LPAR1: variants seen among roughly 807,000 people sequenced by gnomAD.
LPAR1 encodes LPA receptor 1.
A neutral mutation model predicts 23.8 loss-of-function variants in LPAR1; 5 were observed. That is an observed-to-expected ratio of 0.21 (90% confidence interval 0.11 to 0.44). The LOEUF (loss-of-function observed/expected upper bound fraction) is 0.44. Among genes scored for constraint, LPAR1 ranks in the 20% least tolerant of loss-of-function variants. LPAR1 has a pLI of 0.99. For missense variants in LPAR1, 311 were observed against 482.8 expected (o/e 0.64, Z 3.33); for synonymous variants, 160 against 164.7 (o/e 0.97, Z 0.22).
At chr9:110,970,067 C>T (rs1257194535) in intron 4 of LPAR1, among the ~76,000 whole-genome samples, 1 of 152,128 alleles carries the variant, frequency 6.6e-6, no homozygotes, top group Non-Finnish European at 1.5e-5. Flanking sequence ...ACCTCTTTCT[C>T]CTTTGGGCAG....
At chr9:110,898,502 T>C (rs1324800181) in intron 5 of LPAR1, among the ~76,000 whole-genome samples, 1 of 152,206 alleles carries the variant, frequency 6.6e-6, no homozygotes, top group African/African-American at 2.4e-5. Context: ...AGTATGAAAC[T>C]ATAAGAACGC....
rs550429780 is a variant in LPAR1, at chr9:111,037,145, T to A, written c.-261-944A>T. On this transcript the variant is annotated intron_variant, in intron 1 of 5. Transcript: ENST00000683809. ...ATGCTTAGCTGAGCAAACACACTTATGCAAATACGTGAAAAACAAACTGTT... is the reference window on the plus strand; with the variant it reads ...ATGCTTAGCTGAGCAAACACACTTAAGCAAATACGTGAAAAACAAACTGTT... Among the ~76,000 whole-genome samples the A allele has an allele frequency of 3.3e-5, 5 of 152,332 alleles. No homozygotes were observed. In the South Asian group the frequency reaches 1.0e-3, roughly 32 times the overall value.
intron 5 of LPAR1, among the ~76,000 whole-genome samples, chr9:110,923,389 A>G (rs2093776287): frequency 6.6e-6 from 1 of 152,210 alleles, no homozygotes. Flanking sequence ...TTGGGTACCC[A>G]TACAACCATT....
chr9:110,958,827 T>C (rs1358855957), intron 4 of LPAR1, among the ~76,000 whole-genome samples: 1 of 141,614 alleles, frequency 7.1e-6, no homozygotes, highest in Non-Finnish European at 1.5e-5. Context: ...ATCCAGAGTA[T>C]ACAAGGAAGG....
chr9:110,884,274 C>G lies in LPAR1; in HGVS notation c.794-8552G>C, dbSNP rs965137288. Among the ~76,000 whole-genome samples, 4 of 152,282 alleles carry G rather than the reference C, an allele frequency of 2.6e-5. No individual in the cohort carries two copies. The East Asian group carries it at 5.8e-4, about 22-fold the overall frequency. On this transcript the variant is annotated intron_variant, in intron 5 of 5. Coordinates refer to ENST00000683809, the MANE Select transcript of LPAR1 (RefSeq NM_001351411.2). ...TTCCTGGGATGTTACCTGCTCTCCT[C>G]GCAATCTAATTCCTACTCACACTTT...
intron 4 of LPAR1, among the ~76,000 whole-genome samples, chr9:110,958,625 A>C (rs1044125677): frequency 1.3e-5 from 2 of 152,122 alleles, no homozygotes; most frequent in African/African-American, 4.8e-5. Context: ...ATTACTAAAA[A>C]CATTGGGAAA....
intron 5 of LPAR1, among the ~76,000 whole-genome samples, chr9:110,912,705 C>T (rs1037683366): frequency 2.6e-5 from 4 of 152,092 alleles, no homozygotes; most frequent in African/African-American, 9.7e-5. Context: ...CTGGAGACAG[C>T]GTCTCCATAT....
intron 2 of LPAR1, among the ~76,000 whole-genome samples, chr9:111,015,891 C>T (rs887020172): frequency 4.6e-5 from 7 of 151,562 alleles, no homozygotes; most frequent in Admixed American, 2.6e-4. Context: ...CAAACCTTCC[C>T]ATGGTTCCCC....
rs1235968787 is a variant in LPAR1 at position 110,892,839 on chromosome 9, A to C, written c.794-17117T>G. On this transcript the variant is annotated intron_variant, in intron 5 of 5. Transcript: ENST00000683809. ...AAGGAAGGAAGGAAGGCAGGCAGGCAGGCAGGCAGGCAGGCAGGCAGGCAG... is the reference window on the plus strand; with the variant it reads ...AAGGAAGGAAGGAAGGCAGGCAGGCCGGCAGGCAGGCAGGCAGGCAGGCAG... Among the ~76,000 whole-genome samples the C allele has an allele frequency of 2.7e-3, 322 of 120,402 alleles. 3 individuals carry two copies. Among genetic ancestry groups the C allele is most frequent in the African/African-American group, 8.7e-3 (294 of 33,628 alleles). The allele number at this position is 120,402 out of a possible 152,430, so 79.0% of individuals were successfully genotyped here. A position where few individuals can be genotyped will look rare whatever the true frequency, so the allele number is the denominator to read the frequency against.
intron 4 of LPAR1, among the ~76,000 whole-genome samples, chr9:110,954,165 AC>A (rs1256443305): frequency 6.6e-6 from 1 of 152,188 alleles, no homozygotes; most frequent in Non-Finnish European, 1.5e-5. Context: ...TGAAAGAAAT[AC>A]AAAATACATT....
At chr9:111,030,606 C>T (rs1031212673) in intron 2 of LPAR1, among the ~76,000 whole-genome samples, 1 of 152,190 alleles carries the variant, frequency 6.6e-6, no homozygotes, top group African/African-American at 2.4e-5. Flanking sequence ...CTCCAAAATG[C>T]CCCTCCTCCC....
Position 110,941,222 on chromosome 9 carries a change from T to G in LPAR1, c.793+199A>C, listed in dbSNP as rs375778455. 6.6e-6 allele frequency among the ~76,000 whole-genome samples: 1 copy of G among 152,304 alleles called. No homozygotes were observed. Among genetic ancestry groups the G allele is most frequent in the African/African-American group, 2.4e-5 (1 of 41,568 alleles). The stretch of plus-strand genomic sequence containing the variant: ...ATTTATACTGCACCACTGGGACCCA[T>G]GTTTCCCTAACGCTAATTCTATAAT... On this transcript the variant is annotated intron_variant, in intron 5 of 5. Transcript: ENST00000683809. This position sits in a 1 kb window ranked among gnomAD's most constrained non-coding sequence, Gnocchi z 6.1.
At chr9:110,890,175 A>C (rs2083657166) in intron 5 of LPAR1, among the ~76,000 whole-genome samples, 1 of 152,204 alleles carries the variant, frequency 6.6e-6, no homozygotes, top group South Asian at 2.1e-4. Flanking sequence ...TTTGCCAATA[A>C]ATTTGAAAAA....
At chr9:110,907,916 A>AACACACACACACAC (rs35043548) in intron 5 of LPAR1, among the ~76,000 whole-genome samples, 15 of 139,798 alleles carry the variant, frequency 1.1e-4, no homozygotes, top group African/African-American at 2.6e-4. Flanking sequence ...CCTTTGACAA[A>AACACACACACACAC]ACACACACAC....
At chr9:110,991,579 TTTGTTGTTGTTGTTGTTG>T (rs199560980) in intron 2 of LPAR1, among the ~76,000 whole-genome samples, 2 of 72,934 alleles carry the variant, frequency 2.7e-5, no homozygotes, top group African/African-American at 9.3e-5. Flanking sequence ...TCTGGTTTGT[TTTGTTGTTGTTGTTGTTG>T]TTGTTGTTGT....
intron 5 of LPAR1, among the ~76,000 whole-genome samples, chr9:110,928,232 G>C (rs2094173451): frequency 6.6e-6 from 1 of 152,062 alleles, no homozygotes; most frequent in Non-Finnish European, 1.5e-5. Context: ...TTTTGTTTCT[G>C]CTTCTCATTT....
At chr9:111,020,219 T>C (rs925394130) in intron 2 of LPAR1, among the ~76,000 whole-genome samples, 6 of 152,240 alleles carry the variant, frequency 3.9e-5, no homozygotes, top group African/African-American at 1.2e-4. Flanking sequence ...ATGTTAAATA[T>C]GTTTTATAAT....
intron 5 of LPAR1, among the ~76,000 whole-genome samples, chr9:110,930,279 G>A (rs1411470415): frequency 2.6e-5 from 4 of 152,122 alleles, no homozygotes; most frequent in Admixed American, 2.6e-4. Context: ...ACTTTGGGAG[G>A]CTGAGGCAGG....
At chr9:110,982,622 T>C (rs939285871) in intron 2 of LPAR1, among the ~76,000 whole-genome samples, 1 of 151,592 alleles carries the variant, frequency 6.6e-6, no homozygotes, top group African/African-American at 2.4e-5. Context: ...ACTTAAAGTA[T>C]AATAATAAAA....
Sources: allele counts gnomAD v4.1 joint callset (sites outside exome capture counted in the v4.1 genomes callset), GRCh38; gene constraint gnomAD v4.1.1; non-coding constraint Gnocchi (gnomAD v3.1); transcripts MANE v1.5; gene names NCBI Gene and HGNC (gene_info 2026-07-23, HGNC 2026-07-21).